MALRD1: variants seen among roughly 807,000 people sequenced by gnomAD.
MALRD1 encodes the protein MAM and LDL-receptor class A domain-containing protein 1.
MALRD1 carries 247 observed loss-of-function variants against 242.1 expected under a neutral mutation model. The observed-to-expected ratio is 1.02, with a 90% CI of 0.92 to 1.13. The LOEUF is 1.13. Among genes scored for constraint, MALRD1 ranks in the 50% most tolerant of loss-of-function variants. The pLI is 0.00. For missense variants in MALRD1, 2,989 were observed against 2,533.1 expected (o/e 1.18, Z -3.86); for synonymous variants, 995 against 866.6 (o/e 1.15, Z -2.60).
intron 32 of MALRD1, among the ~76,000 whole-genome samples, chr10:19,553,472 A>G (rs1835582872): frequency 1.3e-5 from 2 of 152,104 alleles, no homozygotes; most frequent in Non-Finnish European, 2.9e-5. Flanking sequence ...TATCATTTCA[A>G]CAGCTTGTAC....
Position 19,048,886 on chromosome 10 carries a change from A to G in MALRD1, c.-53A>G, listed in dbSNP as rs73591904. ...ATAGAGAAATAAAAGAATGTTTCCA[A>G]TGATGGACTTACTTATTACAACTGC... On this transcript the variant is annotated 5_prime_UTR_variant, in exon 1 of 40. The change abolishes an upstream ATG in the 5' untranslated region. Transcript: ENST00000454679. 2.3e-4 allele frequency: 271 copies of G among 1,183,882 alleles called. 2 individuals carry two copies. In the African/African-American group the frequency reaches 4.0e-3, roughly 17 times the overall value. 73.3% of individuals were successfully genotyped at this position (1,183,882 alleles called of 1,614,324 possible).
intron 21 of MALRD1, among the ~76,000 whole-genome samples, chr10:19,308,037 A>G (rs1027770228): frequency 6.6e-6 from 1 of 151,542 alleles, no homozygotes; most frequent in Non-Finnish European, 1.5e-5. Context: ...AAACAGTCCA[A>G]TTACATTCTT....
Position 19,491,583 on chromosome 10 carries a change from C to T in MALRD1, c.5096C>T (p.Ala1699Val), listed in dbSNP as rs948846808. ...DFLCRDKKCI[A>V]SHLLCDYKPD... ...TTGTGCCGGGACAAGAAGTGCATTG[C>T]ATCCCACCTTCTTTGTGACTATAAG... Residue 1699 changes from alanine (A) to valine (V), a missense_variant, in exon 30 of 40, where the codon GCA (alanine) becomes GTA (valine). Transcript: ENST00000454679. 2 of 1,550,052 alleles carry T rather than the reference C, an allele frequency of 1.3e-6. No individual in the cohort carries two copies. Among genetic ancestry groups the T allele is most frequent in the Non-Finnish European group, 8.7e-7 (1 of 1,146,800 alleles).
At chr10:19,504,873 G>A (rs1310723328) in intron 31 of MALRD1, among the ~76,000 whole-genome samples, 4 of 150,662 alleles carry the variant, frequency 2.7e-5, no homozygotes, top group African/African-American at 9.8e-5. Flanking sequence ...TAGTAGAGAC[G>A]GGGTTTCACC....
chr10:19,643,378 G>A (rs1346481538), intron 36 of MALRD1, among the ~76,000 whole-genome samples: 6 of 152,254 alleles, frequency 3.9e-5, no homozygotes, highest in Admixed American at 2.0e-4. Context: ...CCTGGGAGGC[G>A]GAGGTTTCAG....
At chr10:19,685,342 A>G (rs1589398444) in intron 36 of MALRD1, among the ~76,000 whole-genome samples, 2 of 152,056 alleles carry the variant, frequency 1.3e-5, no homozygotes, top group African/African-American at 4.8e-5. Context: ...TGGCTTGTCC[A>G]TCTTTATATC....
chr10:19,595,055 T>C, intron 33 of MALRD1, 139 bp from the exon 34 acceptor site: 1 of 833,298 alleles, frequency 1.2e-6, no homozygotes. Flanking sequence ...AGGCATCATA[T>C]TAATCCTAAT....
intron 14 of MALRD1, among the ~76,000 whole-genome samples, chr10:19,184,618 G>A (rs1365738292): frequency 1.3e-5 from 2 of 152,030 alleles, no homozygotes; most frequent in Admixed American, 1.3e-4. Flanking sequence ...GTGCGATCTT[G>A]GCTCACTGCA....
chr10:19,115,601 A>G (rs1374141640), intron 5 of MALRD1, among the ~76,000 whole-genome samples: 1 of 152,174 alleles, frequency 6.6e-6, no homozygotes, highest in African/African-American at 2.4e-5. Context: ...ACTCTTATTT[A>G]TGAAAATGAA....
chr10:19,261,718 A>T (rs1261983807), intron 19 of MALRD1, among the ~76,000 whole-genome samples: 1 of 151,814 alleles, frequency 6.6e-6, no homozygotes, highest in Non-Finnish European at 1.5e-5. Flanking sequence ...CTTTTATTTT[A>T]TAGAAAATGA....
At chr10:19,135,788 A>G (rs1380988326) in intron 9 of MALRD1, among the ~76,000 whole-genome samples, 3 of 152,218 alleles carry the variant, frequency 2.0e-5, no homozygotes, top group Admixed American at 2.0e-4. Context: ...ACAGTCAGCT[A>G]TTTATACTTC....
chr10:19,566,766 A>G (rs192759723), intron 32 of MALRD1, among the ~76,000 whole-genome samples: 1 of 151,878 alleles, frequency 6.6e-6, no homozygotes, highest in Non-Finnish European at 1.5e-5. Flanking sequence ...TCTGATAACT[A>G]TAAAATTTAG....
chr10:19,467,631 G>A (rs1272261491), intron 29 of MALRD1, among the ~76,000 whole-genome samples: 2 of 151,140 alleles, frequency 1.3e-5, no homozygotes, highest in African/African-American at 4.9e-5. Flanking sequence ...ATATGTAAAT[G>A]CCCTTGAACC....
chr10:19,316,823 A>C (rs1842725940), intron 21 of MALRD1, among the ~76,000 whole-genome samples: 1 of 151,814 alleles, frequency 6.6e-6, no homozygotes, highest in African/African-American at 2.4e-5. Flanking sequence ...TAATGGGTAC[A>C]AAAAAATAGA....
intron 30 of MALRD1, among the ~76,000 whole-genome samples, chr10:19,495,039 T>A (rs966065066): frequency 6.6e-6 from 1 of 151,536 alleles, no homozygotes; most frequent in African/African-American, 2.4e-5. Context: ...TGAAGTGGCA[T>A]AATCTCAGCT....
intron 26 of MALRD1, among the ~76,000 whole-genome samples, chr10:19,374,981 A>G (rs573173300): frequency 1.4e-4 from 22 of 152,306 alleles, no homozygotes; most frequent in Non-Finnish European, 2.9e-4. Context: ...ACCACGTGCA[A>G]TGATAATACA....
At chr10:19,713,178 A>T (rs1008298148) in intron 38 of MALRD1, among the ~76,000 whole-genome samples, 4 of 152,186 alleles carry the variant, frequency 2.6e-5, no homozygotes, top group Non-Finnish European at 5.9e-5. Flanking sequence ...ACATTAAAAA[A>T]AGAAACAGGA....
At chr10:19,080,873 G>A (rs549216539) in intron 2 of MALRD1, among the ~76,000 whole-genome samples, 88 of 151,958 alleles carry the variant, frequency 5.8e-4, no homozygotes, top group Middle Eastern at 3.4e-3. Flanking sequence ...TATTTATCCA[G>A]CAAAGGTCAA....
intron 39 of MALRD1, among the ~76,000 whole-genome samples, chr10:19,731,519 T>TGTGC (rs1410380023): frequency 6.6e-6 from 1 of 151,814 alleles, no homozygotes; most frequent in East Asian, 1.9e-4. Context: ...TGTGTGTGTG[T>TGTGC]GCTGAAAACA....
Sources: allele counts gnomAD v4.1 joint callset (sites outside exome capture counted in the v4.1 genomes callset), GRCh38; gene constraint gnomAD v4.1.1; transcripts MANE v1.5; gene names NCBI Gene and HGNC (gene_info 2026-07-23, HGNC 2026-07-21).